Variants in SORCS1 observed in about 807,000 individuals in gnomAD.
SORCS1 encodes the protein VPS10 domain-containing receptor SorCS1.
SORCS1 carries 60 observed loss-of-function variants against 146.1 expected under a neutral mutation model. The observed-to-expected ratio is 0.41, with a 90% CI of 0.33 to 0.51. The LOEUF is 0.51. SORCS1 is among the 20% of genes least tolerant of loss of function. SORCS1 has a pLI of 0.21. For synonymous variants in SORCS1, 637 were observed against 584.0 expected, an observed-to-expected ratio of 1.09 and a Z score of -1.31; for missense variants, 1,352 against 1,487.6, an observed-to-expected ratio of 0.91 and a Z score of 1.50.
chr10:106,604,242 T>C (rs950331357), intron 23 of SORCS1, among the ~76,000 whole-genome samples: 4 of 152,212 alleles, frequency 2.6e-5, no homozygotes, highest in African/African-American at 9.7e-5. Flanking sequence ...ACTGTACCTC[T>C]GGACTTCTCA....
chr10:107,019,816 T>A (rs113856291), intron 1 of SORCS1, among the ~76,000 whole-genome samples: 4 of 152,246 alleles, frequency 2.6e-5, no homozygotes, highest in African/African-American at 9.6e-5. Flanking sequence ...CTCTGTCCTT[T>A]TGAAACTTAC....
intron 1 of SORCS1, among the ~76,000 whole-genome samples, chr10:107,098,010 T>C (rs1033178228): frequency 4.6e-5 from 7 of 152,212 alleles, no homozygotes; most frequent in East Asian, 1.9e-4. Flanking sequence ...ATCTTACTTA[T>C]AAAACAGTTA....
chr10:106,597,228 C>T (rs372933828), intron 24 of SORCS1, 123 bp downstream of exon 24: 6 of 756,730 alleles, frequency 7.9e-6, no homozygotes, highest in South Asian at 3.4e-5. Context: ...CTCCAAGATC[C>T]GATGACTGAT....
At chr10:106,848,939 T>G (rs1389634848) in intron 2 of SORCS1, among the ~76,000 whole-genome samples, 2 of 150,722 alleles carry the variant, frequency 1.3e-5, no homozygotes, top group Non-Finnish European at 3.0e-5. Flanking sequence ...CTTGTAGGGT[T>G]TCTGCCGAGA....
chr10:106,759,455 G>A (rs922454417), intron 5 of SORCS1, among the ~76,000 whole-genome samples: 1 of 152,184 alleles, frequency 6.6e-6, no homozygotes, highest in Admixed American at 6.5e-5. Context: ...AGAGAAATTA[G>A]GGTAAGGTAG....
chr10:106,798,747 T>TA (rs1564670082), intron 3 of SORCS1, among the ~76,000 whole-genome samples: 1 of 152,198 alleles, frequency 6.6e-6, no homozygotes, highest in Non-Finnish European at 1.5e-5. Flanking sequence ...GCAATAAACA[T>TA]ACGTATGCAT....
At chr10:106,628,561 C>T (rs1319542995) in intron 19 of SORCS1, among the ~76,000 whole-genome samples, 1 of 152,208 alleles carries the variant, frequency 6.6e-6, no homozygotes, top group Non-Finnish European at 1.5e-5. Flanking sequence ...TCTCATCATA[C>T]TTACTCACAT....
chr10:106,898,668 T>A (rs1951582333), intron 2 of SORCS1, among the ~76,000 whole-genome samples: 1 of 152,198 alleles, frequency 6.6e-6, no homozygotes, highest in African/African-American at 2.4e-5. Context: ...GGAGCCAGAC[T>A]TGTGGGGGAG....
At position 106,597,448 on chromosome 10, in the gene SORCS1, T is replaced by C. The variant is rs1397399834; in HGVS notation, c.3168A>G (p.Ile1056Met). 2.5e-6 allele frequency: 4 copies of C among 1,613,226 alleles called. No individual in the cohort carries two copies. The highest frequency in any genetic ancestry group is 1.7e-4 in the Middle Eastern group (1 of 6,058). Residue 1056 changes from isoleucine to methionine, a missense_variant and splice_region_variant, in exon 24 of 26, where the codon ATA becomes ATG. This residue lies in a region of SORCS1 where 214 missense variants were observed against 204.8 expected (regional missense o/e 1.05). Transcript: ENST00000263054. The part of the protein sequence containing the change: ...NKRSTDDLEQ[I>M]SELLIHTLNQ... ...TGAGCGTGTGGATCAGCAATTCTGA[T>C]ATCTGAAAAAAGAAGCATAGTTAGT...
chr10:107,049,365 C>T (rs1383301300), intron 1 of SORCS1, among the ~76,000 whole-genome samples: 1 of 151,430 alleles, frequency 6.6e-6, no homozygotes, highest in East Asian at 2.0e-4. Flanking sequence ...CACATGTATA[C>T]ATATGTAACT....
At chr10:106,899,107 C>T (rs1386424240) in intron 2 of SORCS1, among the ~76,000 whole-genome samples, 4 of 152,150 alleles carry the variant, frequency 2.6e-5, no homozygotes, top group African/African-American at 7.2e-5. Context: ...ACCAGTAGAA[C>T]GTGGTAGTGC....
At chr10:106,724,033 C>T (rs1350559019) in intron 6 of SORCS1, among the ~76,000 whole-genome samples, 1 of 151,500 alleles carries the variant, frequency 6.6e-6, no homozygotes, top group African/African-American at 2.4e-5. Context: ...GGTCTGATAA[C>T]TACTACAATT....
At chr10:106,815,118 C>G (rs111569288) in intron 3 of SORCS1, among the ~76,000 whole-genome samples, 10 of 151,786 alleles carry the variant, frequency 6.6e-5, no homozygotes, top group African/African-American at 2.2e-4. Context: ...GCCACCACAC[C>G]CAGCTAATTT....
At chr10:107,139,553 G>C (rs1198642980) in intron 1 of SORCS1, among the ~76,000 whole-genome samples, 1 of 152,040 alleles carries the variant, frequency 6.6e-6, no homozygotes, top group African/African-American at 2.4e-5. Context: ...AGACAGAGGG[G>C]AAAAAACAGA....
At chr10:106,713,464 A>T (rs372962438) in intron 6 of SORCS1, among the ~76,000 whole-genome samples, 234 of 147,814 alleles carry the variant, frequency 1.6e-3, no homozygotes, top group African/African-American at 5.7e-3. Flanking sequence ...CTGTACAAAC[A>T]TAAGATGGAA....
At chr10:106,607,131 GA>G in intron 23 of SORCS1, 34 bp downstream of exon 23, 1 of 1,609,958 alleles carries the variant, frequency 6.2e-7, no homozygotes, top group African/African-American at 1.3e-5. Flanking sequence ...ACAAACGGTT[GA>G]AGCTGAAAAC....
intron 1 of SORCS1, among the ~76,000 whole-genome samples, chr10:107,152,440 C>G (rs1324442986): frequency 6.6e-6 from 1 of 152,188 alleles, no homozygotes; most frequent in Non-Finnish European, 1.5e-5. Context: ...ACAACTTGTT[C>G]CATGCATTTG....
intron 18 of SORCS1, among the ~76,000 whole-genome samples, chr10:106,639,881 G>A (rs1848955739): frequency 6.6e-6 from 1 of 152,056 alleles, no homozygotes; most frequent in Admixed American, 6.6e-5. Context: ...ACCTGGGTGT[G>A]GTGGCACGTG....
chr10:106,681,834 A>G (rs821926), intron 10 of SORCS1, among the ~76,000 whole-genome samples: 129,952 of 152,210 alleles, frequency 0.85, 56,306 homozygotes, highest in Non-Finnish European at 0.94. Context: ...CCATTACAAA[A>G]GAAAGATGTC....
Sources: allele counts gnomAD v4.1 joint callset (sites outside exome capture counted in the v4.1 genomes callset), GRCh38; gene constraint gnomAD v4.1.1; regional missense constraint gnomAD v4.1.1; transcripts MANE v1.5; gene names NCBI Gene and HGNC (gene_info 2026-07-23, HGNC 2026-07-21).